TOM1: variants seen among roughly 807,000 people sequenced by gnomAD.
TOM1 encodes the protein target of myb1 membrane trafficking protein, also known as target of Myb protein 1.
In TOM1, 38 loss-of-function variants were observed where a neutral mutation model predicts 61.3. The observed-to-expected ratio is 0.62, with a 90% CI of 0.48 to 0.81. The LOEUF (loss-of-function observed/expected upper bound fraction) is 0.81. Among genes scored for constraint, TOM1 ranks in the 40% least tolerant of loss-of-function variants. TOM1 has a pLI of 0.00. For missense variants in TOM1, 591 were observed against 659.6 expected (o/e 0.90, Z 1.14); for synonymous variants, 270 against 268.8 (o/e 1.00, Z -0.04).
chr22:35,342,296 C>A (rs1929937742), intron 12 of TOM1, among the ~76,000 whole-genome samples: 1 of 152,130 alleles, frequency 6.6e-6, no homozygotes, highest in South Asian at 2.1e-4. Flanking sequence ...GCTGTGTGCC[C>A]TGTGCCATGT....
intron 1 of TOM1, among the ~76,000 whole-genome samples, chr22:35,316,188 C>T (rs1467652365): frequency 6.6e-6 from 1 of 152,228 alleles, no homozygotes; most frequent in Non-Finnish European, 1.5e-5. Flanking sequence ...GTGACACTTG[C>T]AGGGGAGGGA....
At chr22:35,338,882 C>A in intron 12 of TOM1, 94 bp downstream of exon 12, 2 of 1,168,916 alleles carry the variant, frequency 1.7e-6, no homozygotes, top group Non-Finnish European at 1.2e-6. Flanking sequence ...CAAGCACTGG[C>A]CCAGCACGTC....
At chr22:35,302,709 G>A (rs1925949657) in intron 1 of TOM1, among the ~76,000 whole-genome samples, 1 of 152,164 alleles carries the variant, frequency 6.6e-6, no homozygotes, top group Non-Finnish European at 1.5e-5. Context: ...CACTGGCGGA[G>A]ACTAAGGTCC....
rs958492683 is a variant in TOM1 at position 35,343,934 on chromosome 22, ACAC to A, written c.1225-1786_1225-1784del. On this transcript the variant is annotated intron_variant, in intron 12 of 14. Coordinates refer to ENST00000449058, the MANE Select transcript of TOM1 (RefSeq NM_005488.3). ...CTACACACACCACACACATCTACAC[ACAC>A]CACCTACACACACCACATACATCTA... is the stretch of plus-strand genomic sequence containing the variant. 8.1e-5 allele frequency among the ~76,000 whole-genome samples: 12 copies of A among 147,906 alleles called. No individual in the cohort carries two copies. In the South Asian group the frequency reaches 8.6e-4, roughly 11 times the overall value.
chr22:35,315,419 C>T (rs771904449), intron 1 of TOM1, among the ~76,000 whole-genome samples: 7 of 152,184 alleles, frequency 4.6e-5, no homozygotes, highest in Non-Finnish European at 8.8e-5. Context: ...AAGCAGGGCA[C>T]GGCCCTCTGC....
intron 7 of TOM1, among the ~76,000 whole-genome samples, chr22:35,329,130 A>T (rs1928596221): frequency 6.6e-6 from 1 of 151,992 alleles, no homozygotes; most frequent in Admixed American, 6.6e-5. Flanking sequence ...TAATTTTTGT[A>T]TTATTAGTAG....
At chr22:35,301,243 TACACAC>T (rs149137970) in intron 1 of TOM1, among the ~76,000 whole-genome samples, 1 of 150,654 alleles carries the variant, frequency 6.6e-6, no homozygotes, top group African/African-American at 2.4e-5. Context: ...CACATACACA[TACACAC>T]ACACACACGC....
At chr22:35,343,659 C>T (rs1168745768) in intron 12 of TOM1, among the ~76,000 whole-genome samples, 1 of 142,682 alleles carries the variant, frequency 7.0e-6, no homozygotes, top group African/African-American at 2.6e-5. Context: ...TACTCATACA[C>T]CTACACACAC....
chr22:35,302,854 A>G (rs1015532874), intron 1 of TOM1, among the ~76,000 whole-genome samples: 5 of 152,198 alleles, frequency 3.3e-5, no homozygotes, highest in African/African-American at 1.2e-4. Context: ...TCCCCTCAGT[A>G]TTCCATATTC....
At chr22:35,318,998 A>T (rs1230064008) in intron 2 of TOM1, among the ~76,000 whole-genome samples, 1 of 152,228 alleles carries the variant, frequency 6.6e-6, no homozygotes, top group Non-Finnish European at 1.5e-5. Context: ...TGAGTCACAC[A>T]GTCAAGGCCC....
In TOM1 at chr22:35,323,141, C is replaced by T. The variant is rs538323306; in HGVS notation, c.330C>T (p.Pro110=). 51 of 1,614,138 alleles carry T rather than the reference C, an allele frequency of 3.2e-5. No homozygotes were observed. Among genetic ancestry groups the T allele is most frequent in the South Asian group, 1.3e-4 (12 of 91,082 alleles). Residue 110 remains proline (P), a synonymous_variant, in exon 4 of 15, where the codon CCC becomes CCT. Transcript: ENST00000449058. The surrounding 1 kb of genome is among the most constrained non-coding windows in gnomAD (Gnocchi z 4.2). ...VRTILPKNNP[P]TIVHDKVLNL... is the part of the protein sequence containing the mutation. ...CCATCCTGCCCAAGAACAACCCACC[C>T]ACCATCGTGCATGACAAAGTGCTCA...
At chr22:35,334,306 C>T (rs368350120) in intron 10 of TOM1, 22 bp from the exon 11 acceptor site, 66 of 1,603,258 alleles carry the variant, frequency 4.1e-5, no homozygotes, top group South Asian at 2.9e-4. Context: ...GGGTCTTTCA[C>T]GTGGCCTTTC....
intron 12 of TOM1, 55 bp downstream of exon 12, chr22:35,338,843 A>T (rs1929621469): frequency 1.4e-6 from 2 of 1,462,034 alleles, no homozygotes; most frequent in Non-Finnish European, 1.8e-6. Flanking sequence ...AGGTGAGGGA[A>T]TGCTCACCCA....
intron 1 of TOM1, among the ~76,000 whole-genome samples, chr22:35,314,185 TAGA>T (rs1326596239): frequency 6.6e-6 from 1 of 150,956 alleles, no homozygotes. Flanking sequence ...TGGAGGAACC[TAGA>T]AGGGGTTGGC....
intron 8 of TOM1, chr22:35,331,272 CT>C (rs547060393): frequency 0.12 from 42,823 of 367,844 alleles, 445 homozygotes; most frequent in Non-Finnish European, 0.13. Context: ...ATTTTCTTTT[CT>C]TTTTTTTTTT....
intron 1 of TOM1, among the ~76,000 whole-genome samples, chr22:35,317,518 A>G (rs1378108230): frequency 1.3e-5 from 2 of 152,202 alleles, no homozygotes; most frequent in African/African-American, 4.8e-5. Context: ...AAGGGAGAAC[A>G]TCTTATCTAC....
Position 35,323,847 on chromosome 22 carries a change from A to G in TOM1, c.581A>G (p.His194Arg), listed in dbSNP as rs1256279819. ...AGCCAGCAAGAGGACTCTGGCCAGC[A>G]TGCTGCCCCTCTGCCCGCCCCGCCC... ...DSSQQEDSGQ[H>R]AAPLPAPPIL... Residue 194 changes from histidine to arginine, a missense_variant, in exon 6 of 15, where the codon CAT becomes CGT. His to Arg is a conservative substitution (Grantham distance 29). Transcript: ENST00000449058. This position sits in a 1 kb window ranked among gnomAD's most constrained non-coding sequence, Gnocchi z 4.2. 6.2e-7 allele frequency: 1 copy of G among 1,612,448 alleles called. No homozygotes were observed. Among genetic ancestry groups the G allele is most frequent in the Non-Finnish European group, 8.5e-7 (1 of 1,179,180 alleles).
At position 35,308,647 on chromosome 22, in the gene TOM1, G is replaced by A. The variant is rs547480559; in HGVS notation, c.52+8667G>A. On this transcript the variant is annotated intron_variant, in intron 1 of 14. Coordinates refer to ENST00000449058, the MANE Select transcript of TOM1 (RefSeq NM_005488.3). ...CACTCCACCCCTGACCATCCAGATT[G>A]TCAGCAATACCTTTTACACTCCCAA... Among the ~76,000 whole-genome samples, 33 of 152,180 alleles carry A rather than the reference G, an allele frequency of 2.2e-4. No homozygotes were observed. The South Asian group carries it at 6.2e-3, about 29-fold the overall frequency.
rs143199209 is a variant in TOM1, at chr22:35,323,510, G to A, written c.381G>A (p.Ala127=). ...TCCCCTCTCAGTCCTGGGCTGACGC[G>A]TTCCGCAGCTCGCCCGATCTGACAG... ...VLNLIQSWAD[A]FRSSPDLTGV... The change falls in exon 5 of 15, where the codon GCG becomes GCA. Residue 127 remains alanine, a synonymous_variant. Transcript: ENST00000449058. This position sits in a 1 kb window ranked among gnomAD's most constrained non-coding sequence, Gnocchi z 4.2. The A allele has an allele frequency of 2.4e-5, 39 of 1,613,998 alleles. No homozygotes were observed. Among genetic ancestry groups the A allele is most frequent in the South Asian group, 1.8e-4 (16 of 91,086 alleles).
Sources: gnomAD v4.1 joint callset for allele counts (sites outside exome capture counted in the v4.1 genomes callset) on GRCh38, gnomAD v4.1.1 for gene constraint, Gnocchi (gnomAD v3.1) non-coding constraint, MANE v1.5 for transcripts, NCBI Gene and HGNC (gene_info 2026-07-23, HGNC 2026-07-21) for gene names.